Variants in FARP2 observed in about 807,000 individuals in gnomAD.
FARP2 encodes the protein FERM, ARH/RhoGEF and pleckstrin domain protein 2, also known as FERM, ARHGEF and pleckstrin domain-containing protein 2.
In FARP2, 111 loss-of-function variants were observed where a neutral mutation model predicts 130.5. The observed-to-expected ratio is 0.85, with a 90% CI of 0.73 to 1.00. The LOEUF (loss-of-function observed/expected upper bound fraction) is 1.00. Ranked by LOEUF, FARP2 falls within the 50% of genes least tolerant of loss-of-function variation. FARP2 has a pLI of 0.00. For synonymous variants in FARP2, 504 were observed against 516.9 expected (o/e 0.98, Z 0.34); for missense variants, 1,385 against 1,346.3 (o/e 1.03, Z -0.45).
intron 2 of FARP2, among the ~76,000 whole-genome samples, chr2:241,401,767 T>C (rs937222186): frequency 2.0e-5 from 3 of 152,006 alleles, no homozygotes; most frequent in African/African-American, 7.3e-5. Context: ...ATTATGGATA[T>C]GTCATTATTT....
intron 2 of FARP2, among the ~76,000 whole-genome samples, chr2:241,403,293 C>T (rs1311699949): frequency 2.0e-5 from 3 of 152,084 alleles, no homozygotes; most frequent in Non-Finnish European, 4.4e-5. Context: ...TGGCTCACTG[C>T]AGCCTCCTTC....
chr2:241,380,893 C>A (rs1384879984), intron 2 of FARP2, among the ~76,000 whole-genome samples: 5 of 152,032 alleles, frequency 3.3e-5, no homozygotes, highest in Non-Finnish European at 7.4e-5. Flanking sequence ...TGAACATGCC[C>A]TGCCTCCACT....
chr2:241,378,386 A>G (rs1314821323), intron 2 of FARP2, among the ~76,000 whole-genome samples: 2 of 141,968 alleles, frequency 1.4e-5, no homozygotes, highest in Admixed American at 7.1e-5. Context: ...AAGTTTTGGG[A>G]TTACAGGTGC....
intron 8 of FARP2, among the ~76,000 whole-genome samples, chr2:241,421,868 G>C (rs537059367): frequency 1.3e-5 from 2 of 152,324 alleles, no homozygotes; most frequent in South Asian, 4.1e-4. Context: ...AACAGGCCAG[G>C]CGTAGTGGCT....
At position 241,439,632 on chromosome 2, in the gene FARP2, A is replaced by T. The variant is rs1030483807; in HGVS notation, c.1159-1672A>T. ...GCGTGAGCCACCATGCCCGGCCTTCAAAAGAATTTAATGTCAAAATAAGAA... is the reference window on the plus strand; with the variant it reads ...GCGTGAGCCACCATGCCCGGCCTTCTAAAGAATTTAATGTCAAAATAAGAA... On this transcript the variant is annotated intron_variant, in intron 12 of 26. Transcript: ENST00000264042. 2.0e-5 allele frequency among the ~76,000 whole-genome samples: 3 copies of T among 152,154 alleles called. No homozygotes were observed. The East Asian group carries it at 5.8e-4, about 29-fold the overall frequency.
chr2:241,450,980 G>T (rs1276750732), intron 13 of FARP2, among the ~76,000 whole-genome samples: 3 of 152,092 alleles, frequency 2.0e-5, no homozygotes, highest in African/African-American at 7.2e-5. Context: ...TTTTGAAGAT[G>T]ATCAAATCTT....
chr2:241,413,173 T>G, intron 6 of FARP2, 134 bp from the exon 7 acceptor site: 1 of 571,028 alleles, frequency 1.8e-6, no homozygotes, highest in Non-Finnish European at 3.1e-6. Flanking sequence ...AAATAAAAAA[T>G]CTTGCTTTTT....
Position 241,415,980 on chromosome 2 carries a change from AG to A in FARP2, c.624-1979del, listed in dbSNP as rs909725650. ...TGGAAGAACAAAGAACTGGACCCTCAGGGTAGTTCTGTGTGTGTGTGTGTGT... is the reference window on the plus strand; with the variant it reads ...TGGAAGAACAAAGAACTGGACCCTCAGGTAGTTCTGTGTGTGTGTGTGTGT... On this transcript the variant is annotated intron_variant, in intron 7 of 26. Transcript: ENST00000264042. Among the ~76,000 whole-genome samples the A allele has an allele frequency of 6.9e-4, 96 of 139,444 alleles. 1 individual carries two copies. Among genetic ancestry groups the A allele is most frequent in the African/African-American group, 2.4e-3 (87 of 36,028 alleles). The allele number at this position is 139,444 out of a possible 152,430, so 91.5% of individuals were successfully genotyped here.
At position 241,493,024 on chromosome 2, in the gene FARP2, CA is replaced by C. The variant is rs1306532947; in HGVS notation, c.2887del (p.Thr963LeufsTer18). On this transcript the variant is annotated frameshift_variant, in exon 25 of 27. Coordinates refer to ENST00000264042, the MANE Select transcript of FARP2 (RefSeq NM_014808.4). LOFTEE classifies it high-confidence loss of function. The stretch of plus-strand genomic sequence containing the variant: ...TTACCAACTTCTGTTTGTTCTTCTA[CA>C]AAACTCATCAGGTACTGGAGTTTCA... ...VFTNFCLFFY[K>X]THQDDYPLAS... 6.3e-7 allele frequency: 1 copy of C among 1,585,264 alleles called. No homozygotes were observed. The highest frequency in any genetic ancestry group is 8.7e-7 in the Non-Finnish European group (1 of 1,153,910).
At chr2:241,471,085 C>T (rs1421724399) in intron 18 of FARP2, among the ~76,000 whole-genome samples, 1 of 150,776 alleles carries the variant, frequency 6.6e-6, no homozygotes, top group African/African-American at 2.4e-5. Context: ...GGACCCTGTT[C>T]TGTGGGGGAT....
Position 241,452,836 on chromosome 2 carries a change from G to A in FARP2, c.1412-3911G>A, listed in dbSNP as rs1187897669. 2.0e-5 allele frequency among the ~76,000 whole-genome samples: 3 copies of A among 151,414 alleles called. No individual in the cohort carries two copies. The East Asian group carries it at 5.8e-4, about 29-fold the overall frequency. ...GGCATGTGTAGTCCCAGCTACTCGG[G>A]AGGCTGAGGCACGAGAATCGCTTGA... is the stretch of plus-strand genomic sequence containing the variant. On this transcript the variant is annotated intron_variant, in intron 13 of 26. Transcript: ENST00000264042.
At chr2:241,440,667 GATGAGTGCGCA>G (rs1324794346) in intron 12 of FARP2, among the ~76,000 whole-genome samples, 1 of 152,166 alleles carries the variant, frequency 6.6e-6, no homozygotes, top group Non-Finnish European at 1.5e-5. Flanking sequence ...ATCTCTGACA[GATGAGTGCGCA>G]TTACTGTAGA....
At position 241,407,560 on chromosome 2, in the gene FARP2, C is replaced by G; in HGVS notation, c.355C>G (p.Leu119Val). Residue 119 changes from leucine to valine, a missense_variant, in exon 5 of 27, where the codon CTA (leucine) becomes GTA (valine). By Grantham distance (32) the Leu-to-Val change is conservative (BLOSUM62 1). Coordinates refer to ENST00000264042, the MANE Select transcript of FARP2 (RefSeq NM_014808.4). ...IRRPKNVVLR[L>V]AVKFFPPDPG... ...AGGGCCAAAGAATGTGGTGCTTCGC[C>G]TAGCTGTAAAATTTTTTCCACCTGA... 6.2e-7 allele frequency: 1 copy of G among 1,614,092 alleles called. No individual in the cohort carries two copies. The highest frequency in any genetic ancestry group is 1.1e-5 in the South Asian group (1 of 91,080).
intron 26 of FARP2, 30 bp downstream of exon 26, chr2:241,493,474 CTG>C: frequency 6.2e-7 from 1 of 1,608,594 alleles, no homozygotes; most frequent in African/African-American, 1.3e-5. Context: ...CCCTGGTCAG[CTG>C]CCCATTTCGA....
At chr2:241,485,247 C>T (rs1300339755) in intron 21 of FARP2, among the ~76,000 whole-genome samples, 1 of 150,906 alleles carries the variant, frequency 6.6e-6, no homozygotes, top group Non-Finnish European at 1.5e-5. Flanking sequence ...GTAGTCCTCC[C>T]TCCCTGGGAT....
intron 21 of FARP2, 181 bp from the exon 22 acceptor site, chr2:241,489,781 C>T: frequency 1.8e-6 from 1 of 545,858 alleles, no homozygotes; most frequent in South Asian, 2.2e-5. Flanking sequence ...TGGGGTGCAG[C>T]TGCCATGGCG....
intron 13 of FARP2, among the ~76,000 whole-genome samples, chr2:241,454,185 G>A (rs1366639921): frequency 6.6e-6 from 1 of 152,076 alleles, no homozygotes; most frequent in Non-Finnish European, 1.5e-5. Flanking sequence ...GATGGGCCTC[G>A]TGAGTATGCC....
At chr2:241,368,012 AG>A (rs1481553432) in intron 1 of FARP2, among the ~76,000 whole-genome samples, 1 of 151,908 alleles carries the variant, frequency 6.6e-6, no homozygotes, top group Non-Finnish European at 1.5e-5. Flanking sequence ...ATTTGTCACT[AG>A]AGTGGTCCAT....
intron 17 of FARP2, 29 bp from the exon 18 acceptor site, chr2:241,468,111 C>G (rs2064221290): frequency 1.4e-6 from 2 of 1,460,718 alleles, no homozygotes; most frequent in Admixed American, 1.7e-5. Flanking sequence ...ATCTCCTCAC[C>G]TAAAGGCCCC....
Sources: allele counts gnomAD v4.1 joint callset (sites outside exome capture counted in the v4.1 genomes callset), GRCh38; gene constraint gnomAD v4.1.1; transcripts MANE v1.5; gene names NCBI Gene and HGNC (gene_info 2026-07-23, HGNC 2026-07-21).